The following EFNA5 variants were observed in gnomAD, a reference collection of about 807,000 sequenced individuals.
EFNA5 encodes the protein ephrin A5.
EFNA5 carries 5 observed loss-of-function variants against 22.9 expected under a neutral mutation model. The observed-to-expected ratio is 0.22, with a 90% CI of 0.11 to 0.46. The LOEUF (loss-of-function observed/expected upper bound fraction) is 0.46. Among genes scored for constraint, EFNA5 ranks in the 20% least tolerant of loss-of-function variants. The pLI is 0.99. For synonymous variants in EFNA5, 113 were observed against 112.2 expected (o/e 1.01, Z -0.04); for missense variants, 237 against 293.3 (o/e 0.81, Z 1.40).
chr5:107,407,118 CTTGGTAG>C (rs1220132773), intron 2 of EFNA5, among the ~76,000 whole-genome samples: 1 of 152,146 alleles, frequency 6.6e-6, no homozygotes, highest in African/African-American at 2.4e-5. Flanking sequence ...ATACTAATAA[CTTGGTAG>C]TTATTTTCAA....
chr5:107,640,815 C>T (rs1287791555), intron 1 of EFNA5, among the ~76,000 whole-genome samples: 3 of 152,150 alleles, frequency 2.0e-5, no homozygotes, highest in African/African-American at 7.2e-5. Context: ...GAGAATGCTG[C>T]CACATGCAAG....
chr5:107,517,718 T>C (rs1747512406), intron 1 of EFNA5, among the ~76,000 whole-genome samples: 1 of 152,230 alleles, frequency 6.6e-6, no homozygotes, highest in Non-Finnish European at 1.5e-5. Context: ...TTATGCAATG[T>C]ATGTGATAAT....
intron 1 of EFNA5, among the ~76,000 whole-genome samples, chr5:107,580,354 C>T (rs1319939163): frequency 6.6e-6 from 1 of 152,072 alleles, no homozygotes; most frequent in African/African-American, 2.4e-5. Flanking sequence ...CTATTTATTT[C>T]CTCTCACAAG....
At chr5:107,382,422 G>C (rs1747493526) in intron 4 of EFNA5, among the ~76,000 whole-genome samples, 1 of 151,934 alleles carries the variant, frequency 6.6e-6, no homozygotes, top group African/African-American at 2.4e-5. Flanking sequence ...GCTCAGGCTG[G>C]AGTACAGTGG....
chr5:107,598,060 G>C (rs1468939403), intron 1 of EFNA5, among the ~76,000 whole-genome samples: 1 of 152,112 alleles, frequency 6.6e-6, no homozygotes, highest in African/African-American at 2.4e-5. Flanking sequence ...ATAACTTTAA[G>C]AGTCTTCAAA....
chr5:107,541,894 T>G (rs113561627), intron 1 of EFNA5, among the ~76,000 whole-genome samples: 170 of 152,348 alleles, frequency 1.1e-3, no homozygotes, highest in Middle Eastern at 0.01. Context: ...ATCTAAATTA[T>G]TTTTGTATTG....
At chr5:107,498,317 T>A (rs1443712928) in intron 1 of EFNA5, among the ~76,000 whole-genome samples, 1 of 152,244 alleles carries the variant, frequency 6.6e-6, no homozygotes, top group African/African-American at 2.4e-5. Flanking sequence ...TCATAGCTCA[T>A]ACACGTATAT....
chr5:107,636,578 G>C (rs1189098936), intron 1 of EFNA5, among the ~76,000 whole-genome samples: 1 of 152,202 alleles, frequency 6.6e-6, no homozygotes, highest in Non-Finnish European at 1.5e-5. Context: ...ATCTGTTTAA[G>C]GTATGTATTT....
chr5:107,430,221 A>G (rs1748911856), intron 1 of EFNA5, among the ~76,000 whole-genome samples: 2 of 152,262 alleles, frequency 1.3e-5, no homozygotes, highest in African/African-American at 4.8e-5. Context: ...GCCAAAGTAC[A>G]GAGAAAAGAC....
intron 1 of EFNA5, among the ~76,000 whole-genome samples, chr5:107,455,029 A>G (rs1749659582): frequency 1.3e-5 from 2 of 152,180 alleles, no homozygotes; most frequent in Admixed American, 1.3e-4. Flanking sequence ...GCAGATTTCC[A>G]TCTACCTGCT....
Position 107,400,732 on chromosome 5 carries a change from A to C in EFNA5, c.419-12961T>G, listed in dbSNP as rs185774801. Among the ~76,000 whole-genome samples, 736 of 152,362 alleles carry C rather than the reference A, an allele frequency of 4.8e-3. 7 individuals are homozygous for C. The highest frequency in any genetic ancestry group is 0.017 in the African/African-American group (706 of 41,582). On this transcript the variant is annotated intron_variant, in intron 2 of 4. Coordinates refer to ENST00000333274, the MANE Select transcript of EFNA5 (RefSeq NM_001962.3). ...TATTCAAGGTTATATATTACAAAAA[A>C]TAACCAAAGGCAGCAAGGTGTTCCA...
At chr5:107,443,457 G>A (rs779619069) in intron 1 of EFNA5, among the ~76,000 whole-genome samples, 1 of 152,210 alleles carries the variant, frequency 6.6e-6, no homozygotes, top group Non-Finnish European at 1.5e-5. Flanking sequence ...AGGGGGAACA[G>A]AGTATCATTC....
intron 1 of EFNA5, among the ~76,000 whole-genome samples, chr5:107,572,727 T>C (rs996205831): frequency 6.6e-6 from 1 of 152,232 alleles, no homozygotes; most frequent in African/African-American, 2.4e-5. Context: ...CTTCCATTGT[T>C]TTTTTACACA....
chr5:107,667,250 A>T (rs1276211587), intron 1 of EFNA5, among the ~76,000 whole-genome samples: 1 of 152,124 alleles, frequency 6.6e-6, no homozygotes, highest in Non-Finnish European at 1.5e-5. Context: ...CACATAAAAA[A>T]ATCAGTTTGG....
chr5:107,658,150 A>C (rs1413034206), intron 1 of EFNA5, among the ~76,000 whole-genome samples: 1 of 152,290 alleles, frequency 6.6e-6, no homozygotes, highest in Admixed American at 6.5e-5. Flanking sequence ...CCAGACATTG[A>C]AAGTAGAAAA....
intron 1 of EFNA5, among the ~76,000 whole-genome samples, chr5:107,466,057 C>A (rs1416529266): frequency 6.6e-6 from 1 of 152,122 alleles, no homozygotes; most frequent in Non-Finnish European, 1.5e-5. Flanking sequence ...CACCTTGCTC[C>A]TAAGCACACA....
At chr5:107,445,385 A>T (rs2112440266) in intron 1 of EFNA5, among the ~76,000 whole-genome samples, 1 of 152,320 alleles carries the variant, frequency 6.6e-6, no homozygotes. Flanking sequence ...CACTTTGTAC[A>T]GAGCACATAT....
intron 1 of EFNA5, among the ~76,000 whole-genome samples, chr5:107,617,589 A>C (rs1749949494): frequency 6.6e-6 from 1 of 152,212 alleles, no homozygotes; most frequent in African/African-American, 2.4e-5. Flanking sequence ...GAAGAAAAGA[A>C]AATGCGTATT....
In EFNA5 at chr5:107,656,243, T is replaced by G. The variant is rs375152162; in HGVS notation, c.125+14246A>C. On this transcript the variant is annotated intron_variant, in intron 1 of 4. Coordinates refer to ENST00000333274, the MANE Select transcript of EFNA5 (RefSeq NM_001962.3). ...CAAACTGAGAGGAGAAGGGAGGACA[T>G]TAAAAATAAACCTGGCCAATTTTAC... 3.3e-4 allele frequency among the ~76,000 whole-genome samples: 50 copies of G among 152,266 alleles called. 1 individual carries two copies. Among genetic ancestry groups the G allele is most frequent in the African/African-American group, 1.2e-3 (48 of 41,556 alleles).
Sources: allele counts gnomAD v4.1 joint callset (sites outside exome capture counted in the v4.1 genomes callset), GRCh38; gene constraint gnomAD v4.1.1; transcripts MANE v1.5; gene names NCBI Gene and HGNC (gene_info 2026-07-23, HGNC 2026-07-21).